Variants in DGKG observed in about 807,000 individuals in gnomAD.
DGKG encodes the protein DAG kinase gamma.
A neutral mutation model predicts 105.3 loss-of-function variants in DGKG; 78 were observed. That is an observed-to-expected ratio of 0.74 (90% confidence interval 0.62 to 0.89). The LOEUF is 0.89. Among genes scored for constraint, DGKG ranks in the 40% least tolerant of loss-of-function variants. DGKG has a pLI of 0.00. For missense variants in DGKG, 958 were observed against 1,020.1 expected (o/e 0.94, Z 0.83); for synonymous variants, 346 against 367.1 (o/e 0.94, Z 0.66).
chr3:186,159,401 G>A (rs1232847708), intron 24 of DGKG: 1 of 152,160 alleles, frequency 6.6e-6, no homozygotes, highest in Non-Finnish European at 1.5e-5. Context: ...TCCTTCAGCA[G>A]TGTCTCCTGC....
At chr3:186,309,774 C>T (rs974772967) in intron 2 of DGKG, among the ~76,000 whole-genome samples, 2 of 152,092 alleles carry the variant, frequency 1.3e-5, no homozygotes. Context: ...GATATTCCAC[C>T]ATTCACTGTA....
chr3:186,232,858 G>A (rs1720221068), intron 20 of DGKG, among the ~76,000 whole-genome samples: 1 of 152,142 alleles, frequency 6.6e-6, no homozygotes, highest in Non-Finnish European at 1.5e-5. Context: ...AAAATTCAGA[G>A]TCTTAATGGC....
At chr3:186,313,452 T>C (rs1724657631) in intron 2 of DGKG, 2 of 964,484 alleles carry the variant, frequency 2.1e-6, no homozygotes, top group Non-Finnish European at 1.2e-6. Context: ...GTAAAATTTG[T>C]ATTGCTAGAA....
At chr3:186,360,548 T>A (rs888719972) in intron 1 of DGKG, among the ~76,000 whole-genome samples, 1 of 152,186 alleles carries the variant, frequency 6.6e-6, no homozygotes, top group Non-Finnish European at 1.5e-5. Flanking sequence ...CTTCCCATGT[T>A]AGACACATGC....
At chr3:186,347,373 G>A (rs200600777) in intron 1 of DGKG, among the ~76,000 whole-genome samples, 1 of 149,428 alleles carries the variant, frequency 6.7e-6, no homozygotes, top group Admixed American at 6.7e-5. Flanking sequence ...GCTTGAACCC[G>A]GGAGGCAGAG....
chr3:186,184,279 A>C (rs2108497314), intron 22 of DGKG, among the ~76,000 whole-genome samples: 1 of 152,338 alleles, frequency 6.6e-6, no homozygotes, highest in East Asian at 1.9e-4. Flanking sequence ...AACTAGAAGC[A>C]TAAAGGCAAA....
chr3:186,249,145 C>T (rs1340999986), intron 19 of DGKG, among the ~76,000 whole-genome samples: 2 of 152,034 alleles, frequency 1.3e-5, no homozygotes, highest in Non-Finnish European at 1.5e-5. Flanking sequence ...GGAGGGAGGG[C>T]ATCTGCGTGG....
rs1430109585 is a variant in DGKG, at chr3:186,210,639, G to A, written c.1917+1156C>T. 6.6e-6 allele frequency: 3 copies of A among 454,124 alleles called. No individual in the cohort carries two copies. Among genetic ancestry groups the A allele is most frequent in the Non-Finnish European group, 1.3e-5 (3 of 226,636 alleles). The allele number at this position is 454,124 out of a possible 1,614,324, so 28.1% of individuals were successfully genotyped here. A position where few individuals can be genotyped will look rare whatever the true frequency, so the allele number is the denominator to read the frequency against. On this transcript the variant is annotated intron_variant, in intron 21 of 24. Coordinates refer to ENST00000265022, the MANE Select transcript of DGKG (RefSeq NM_001346.3). The surrounding 1 kb of genome is among the most constrained non-coding windows in gnomAD (Gnocchi z 5.2). ...CTCCCTGTGAGTGAGGAGCACAGGGGCCCTTCCGGCAGGGAGGGGCAGGGC... is the reference window on the plus strand; with the variant it reads ...CTCCCTGTGAGTGAGGAGCACAGGGACCCTTCCGGCAGGGAGGGGCAGGGC...
intron 20 of DGKG, among the ~76,000 whole-genome samples, chr3:186,213,677 G>A (rs560079766): frequency 4.6e-5 from 7 of 152,312 alleles, no homozygotes; most frequent in Admixed American, 3.9e-4. Flanking sequence ...TGTGATTAAA[G>A]TGCTGCTTCC....
chr3:186,287,672 A>T (rs1479275965), intron 6 of DGKG, among the ~76,000 whole-genome samples: 1 of 152,252 alleles, frequency 6.6e-6, no homozygotes, highest in African/African-American at 2.4e-5. Context: ...GCTAGAAGAA[A>T]ACAGAAATCT....
At position 186,298,179 on chromosome 3, in the gene DGKG, C is replaced by T. The variant is rs746105228; in HGVS notation, c.195G>A (p.Val65=). The change falls in exon 4 of 25, where the codon GTG becomes GTA. Residue 65 remains valine (V), a synonymous_variant. Transcript: ENST00000265022. The part of the protein sequence containing the change: ...FKLFMRAYLE[V]DLPQPLSTHL... The stretch of plus-strand genomic sequence containing the variant: ...GAGTGCTCAGTGGCTGGGGAAGGTC[C>T]ACCTCCAGGTACGCCCTCATGAACA... 2 of 1,613,676 alleles carry T rather than the reference C, an allele frequency of 1.2e-6. No homozygotes were observed. The highest frequency in any genetic ancestry group is 1.7e-6 in the Non-Finnish European group (2 of 1,179,884).
At chr3:186,359,413 C>T (rs1176959770) in intron 1 of DGKG, among the ~76,000 whole-genome samples, 2 of 152,098 alleles carry the variant, frequency 1.3e-5, no homozygotes, top group African/African-American at 4.8e-5. Flanking sequence ...AAACAATGTT[C>T]ATGAAGGTCT....
chr3:186,160,634 TAGC>T, intron 24 of DGKG: 1 of 985,450 alleles, frequency 1.0e-6, no homozygotes, highest in Non-Finnish European at 1.2e-6. Context: ...GGGCTCAAAA[TAGC>T]AGGTGATCAA....
At chr3:186,169,034 A>G (rs1716692741) in intron 22 of DGKG, among the ~76,000 whole-genome samples, 1 of 152,218 alleles carries the variant, frequency 6.6e-6, no homozygotes, top group Non-Finnish European at 1.5e-5. Context: ...TCACTGATAG[A>G]AACTAAGTTC....
chr3:186,148,789 G>A lies in DGKG; in HGVS notation c.*1301C>T. 1.0e-6 allele frequency: 1 copy of A among 985,424 alleles called. No homozygotes were observed. Among genetic ancestry groups the A allele is most frequent in the South Asian group, 4.7e-5 (1 of 21,258 alleles). 61.0% of individuals were successfully genotyped at this position (985,424 alleles called of 1,614,324 possible). A position where few individuals can be genotyped will look rare whatever the true frequency, so the allele number is the denominator to read the frequency against. On this transcript the variant is annotated 3_prime_UTR_variant, in exon 25 of 25. Coordinates refer to ENST00000265022, the MANE Select transcript of DGKG (RefSeq NM_001346.3). The stretch of plus-strand genomic sequence containing the variant: ...TTCTCGGTCTCTTCGTTCATAATAG[G>A]GAGCTACTTTCATTCCCCTTAACCC...
rs1578676755 is a variant in DGKG at position 186,215,631 on chromosome 3, C to T, written c.1827-3746G>A. On this transcript the variant is annotated intron_variant, in intron 20 of 24. Transcript: ENST00000265022. ...AAATCCAGGAGATAACTGGGAAGGGCCTGGACAAGGGTCATGACAATAGCA... is the reference window on the plus strand; with the variant it reads ...AAATCCAGGAGATAACTGGGAAGGGTCTGGACAAGGGTCATGACAATAGCA... Among the ~76,000 whole-genome samples the T allele has an allele frequency of 2.6e-5, 4 of 151,788 alleles. No individual in the cohort carries two copies. The South Asian group carries it at 8.4e-4, about 32-fold the overall frequency.
At chr3:186,304,257 G>C (rs1018517511) in intron 3 of DGKG, among the ~76,000 whole-genome samples, 2 of 152,210 alleles carry the variant, frequency 1.3e-5, no homozygotes, top group Non-Finnish European at 2.9e-5. Context: ...GGGGTGGGGG[G>C]TGTGGGGCAG....
chr3:186,346,802 AT>A (rs1431855440), intron 1 of DGKG, among the ~76,000 whole-genome samples: 2 of 152,190 alleles, frequency 1.3e-5, no homozygotes, highest in African/African-American at 4.8e-5. Context: ...AGATTTTTTC[AT>A]TTCTTAAATG....
In DGKG at chr3:186,157,806, G is replaced by A. The variant is rs533423405; in HGVS notation, c.2277+3797C>T. 3.3e-5 allele frequency among the ~76,000 whole-genome samples: 5 copies of A among 152,094 alleles called. No individual in the cohort carries two copies. In the South Asian group the frequency reaches 6.2e-4, roughly 19 times the overall value. ...GCAACCTCTGCCTCTGAGTTCAAGC[G>A]ATTCTCATGCCTCAGCCTCCCGAGG... is the stretch of plus-strand genomic sequence containing the variant. On this transcript the variant is annotated intron_variant, in intron 24 of 24. Coordinates refer to ENST00000265022, the MANE Select transcript of DGKG (RefSeq NM_001346.3).
Sources: allele counts gnomAD v4.1 joint callset (sites outside exome capture counted in the v4.1 genomes callset), GRCh38; gene constraint gnomAD v4.1.1; non-coding constraint Gnocchi (gnomAD v3.1); transcripts MANE v1.5; gene names NCBI Gene and HGNC (gene_info 2026-07-23, HGNC 2026-07-21).